Variants in GRM7 observed in about 807,000 individuals in gnomAD.
GRM7 encodes the protein metabotropic glutamate receptor 7.
Under a neutral mutation model 84.5 loss-of-function variants are expected in GRM7, and 35 were observed. The observed-to-expected ratio is 0.41, with a 90% CI of 0.32 to 0.55. The LOEUF is 0.55. Among genes scored for constraint, GRM7 ranks in the 20% least tolerant of loss-of-function variants. The probability of loss-of-function intolerance (pLI) is 0.19; values close to 1 mark genes in which losing one functional copy is unlikely to be tolerated. For synonymous variants in GRM7, 487 were observed against 455.1 expected (o/e 1.07, Z -0.89); for missense variants, 1,003 against 1,194.6 (o/e 0.84, Z 2.36).
At chr3:7,148,638 A>T (rs1256724598) in intron 2 of GRM7, among the ~76,000 whole-genome samples, 1 of 152,202 alleles carries the variant, frequency 6.6e-6, no homozygotes, top group Non-Finnish European at 1.5e-5. Context: ...GTGTCATTTG[A>T]TGGAAACTTA....
chr3:7,514,607 AC>A (rs1302070977), intron 7 of GRM7, among the ~76,000 whole-genome samples: 1 of 152,188 alleles, frequency 6.6e-6, no homozygotes, highest in African/African-American at 2.4e-5. Flanking sequence ...GTTTCTATCC[AC>A]CACAGTGAGG....
Position 7,064,479 on chromosome 3 carries a change from T to TATACACAC in GRM7, c.520-81972_520-81971insTACACACA. Reference sequence around the variant, plus strand: ...ATATATATACATATATATATATATATACACACATATACATATATATATACA... The same window carrying TATACACAC: ...ATATATATACATATATATATATATATATACACACACACACATATACATATATATATACA... On this transcript the variant is annotated intron_variant, in intron 1 of 9. Transcript: ENST00000357716. 6.0e-5 allele frequency among the ~76,000 whole-genome samples: 6 copies of TATACACAC among 99,384 alleles called. 1 individual carries two copies. The highest frequency in any genetic ancestry group is 2.3e-4 in the African/African-American group (6 of 25,770). 65.2% of individuals were successfully genotyped at this position (99,384 alleles called of 152,430 possible). A position where few individuals can be genotyped will look rare whatever the true frequency, so the allele number is the denominator to read the frequency against.
At chr3:7,443,751 T>C (rs1697389527) in intron 5 of GRM7, among the ~76,000 whole-genome samples, 1 of 152,150 alleles carries the variant, frequency 6.6e-6, no homozygotes, top group Non-Finnish European at 1.5e-5. Context: ...AGAAAACACA[T>C]AGAATCTGTT....
At chr3:7,571,888 T>C (rs1280622259) in intron 7 of GRM7, among the ~76,000 whole-genome samples, 1 of 152,098 alleles carries the variant, frequency 6.6e-6, no homozygotes, top group Non-Finnish European at 1.5e-5. Flanking sequence ...GACTGTGAAA[T>C]GCAAAGAGGA....
intron 1 of GRM7, among the ~76,000 whole-genome samples, chr3:7,105,014 G>C (rs1215423605): frequency 1.3e-5 from 2 of 151,742 alleles, no homozygotes; most frequent in Admixed American, 6.6e-5. Context: ...TGGTTGAATA[G>C]TTCCCTGAGC....
intron 1 of GRM7, among the ~76,000 whole-genome samples, chr3:7,044,629 G>T (rs1043709983): frequency 1.2e-4 from 19 of 152,110 alleles, no homozygotes; most frequent in African/African-American, 4.6e-4. Context: ...CAATTTAAAA[G>T]ACTTACAACT....
chr3:7,355,015 C>A (rs1266215767), intron 4 of GRM7, among the ~76,000 whole-genome samples: 1 of 152,124 alleles, frequency 6.6e-6, no homozygotes, highest in Non-Finnish European at 1.5e-5. Flanking sequence ...TAATGACATG[C>A]TGACTGGACC....
intron 1 of GRM7, among the ~76,000 whole-genome samples, chr3:6,894,401 G>A (rs28707487): frequency 0.12 from 17,650 of 152,102 alleles, 1,175 homozygotes; most frequent in African/African-American, 0.16. Flanking sequence ...TCTAGCTAAT[G>A]AAACATGATT....
chr3:7,606,165 C>T (rs1052996415), intron 8 of GRM7, among the ~76,000 whole-genome samples: 2 of 152,284 alleles, frequency 1.3e-5, no homozygotes, highest in South Asian at 4.1e-4. Flanking sequence ...CAAATTTTAT[C>T]TAGGGAAGCC....
intron 7 of GRM7, among the ~76,000 whole-genome samples, chr3:7,478,621 G>A (rs1484217362): frequency 6.6e-6 from 1 of 152,144 alleles, no homozygotes; most frequent in Non-Finnish European, 1.5e-5. Flanking sequence ...GAAGCCTCCT[G>A]TCTTATTAAC....
chr3:6,948,754 A>G (rs1698190702), intron 1 of GRM7, among the ~76,000 whole-genome samples: 1 of 152,130 alleles, frequency 6.6e-6, no homozygotes, highest in Admixed American at 6.5e-5. Context: ...TTGGGTGCAT[A>G]TATATTTAGG....
At chr3:7,666,179 A>ACATTT (rs1164294873) in intron 8 of GRM7, among the ~76,000 whole-genome samples, 3 of 152,206 alleles carry the variant, frequency 2.0e-5, no homozygotes, top group African/African-American at 7.2e-5. Context: ...CATTCGAGTT[A>ACATTT]CATTTCTTCA....
chr3:6,899,916 C>T (rs544061038), intron 1 of GRM7, among the ~76,000 whole-genome samples: 1 of 152,216 alleles, frequency 6.6e-6, no homozygotes, highest in South Asian at 2.1e-4. Context: ...AAACCCATTT[C>T]TAAAATTCTC....
At chr3:6,932,244 C>T in intron 1 of GRM7, among the ~76,000 whole-genome samples, 1 of 152,272 alleles carries the variant, frequency 6.6e-6, no homozygotes, top group African/African-American at 2.4e-5. Flanking sequence ...GGATACTTTG[C>T]CTACCGAGGG....
At chr3:6,888,912 A>G (rs1257947206) in intron 1 of GRM7, among the ~76,000 whole-genome samples, 8 of 152,142 alleles carry the variant, frequency 5.3e-5, no homozygotes, top group Non-Finnish European at 1.2e-4. Context: ...TTCATTGAGC[A>G]GTGGTTTGTA....
chr3:7,585,062 C>T (rs1695457250), intron 8 of GRM7, among the ~76,000 whole-genome samples: 1 of 152,144 alleles, frequency 6.6e-6, no homozygotes, highest in East Asian at 1.9e-4. Context: ...TTCTAGCATG[C>T]TTAGTAAGAA....
chr3:7,617,269 C>CATATGAGAAAGTTTGGTTTATAAT, intron 8 of GRM7, among the ~76,000 whole-genome samples: 1 of 152,038 alleles, frequency 6.6e-6, no homozygotes, highest in Non-Finnish European at 1.5e-5. Flanking sequence ...CAGACTCATG[C>CATATGAGAAAGTTTGGTTTATAAT]ATATGAGAAA....
intron 6 of GRM7, among the ~76,000 whole-genome samples, chr3:7,457,804 A>C: frequency 6.6e-6 from 1 of 152,320 alleles, no homozygotes; most frequent in South Asian, 2.1e-4. Flanking sequence ...GGCCACATGT[A>C]GCCACATATT....
Position 7,427,068 on chromosome 3 carries a change from G to A in GRM7, c.1174+11905G>A, listed in dbSNP as rs1696639022. Among the ~76,000 whole-genome samples the A allele has an allele frequency of 2.0e-5, 3 of 152,232 alleles. No individual in the cohort carries two copies. In the South Asian group the frequency reaches 6.2e-4, roughly 32 times the overall value. On this transcript the variant is annotated intron_variant, in intron 5 of 9. Transcript: ENST00000357716. ...AATCAGAGACTTTGTAGGATCTTTT[G>A]GGCTGCATGTGATAAATGTTTCAGA...
Sources: gnomAD v4.1 joint callset for allele counts (sites outside exome capture counted in the v4.1 genomes callset) on GRCh38, gnomAD v4.1.1 for gene constraint, MANE v1.5 for transcripts, NCBI Gene and HGNC (gene_info 2026-07-23, HGNC 2026-07-21) for gene names.